The following WWOX variants were observed in gnomAD, a reference collection of about 807,000 sequenced individuals.
WWOX encodes WW domain-containing oxidoreductase.
In WWOX, 69 loss-of-function variants were observed where a neutral mutation model predicts 46.2. That is an observed-to-expected ratio of 1.49 (90% confidence interval 1.23 to 1.82). The LOEUF (loss-of-function observed/expected upper bound fraction) is 1.82. Among genes scored for constraint, WWOX ranks in the 40% most tolerant of loss-of-function variants. The pLI is 0.00. For synonymous variants in WWOX, 359 were observed against 202.6 expected (o/e 1.77, Z -6.56); for missense variants, 919 against 542.6 (o/e 1.69, Z -6.89).
intron 8 of WWOX, among the ~76,000 whole-genome samples, chr16:78,866,213 C>T (rs1436970204): frequency 1.3e-5 from 2 of 152,076 alleles, no homozygotes; most frequent in African/African-American, 4.8e-5. Flanking sequence ...TTCTGCCAGT[C>T]TCCATAGCAG....
chr16:78,792,188 C>G lies in WWOX; in HGVS notation c.1056+359436C>G, dbSNP rs116409124. On this transcript the variant is annotated intron_variant, in intron 8 of 8. Coordinates refer to ENST00000566780, the MANE Select transcript of WWOX (RefSeq NM_016373.4). ...AATAAACATTCGATTCTCGCCATCTCTGGGTTTGAGGTGACCTTGGCTAAG... is the reference window on the plus strand; with the variant it reads ...AATAAACATTCGATTCTCGCCATCTGTGGGTTTGAGGTGACCTTGGCTAAG... 9.1e-3 allele frequency among the ~76,000 whole-genome samples: 1,387 copies of G among 152,260 alleles called. 22 individuals are homozygous for G. The highest frequency in any genetic ancestry group is 0.032 in the African/African-American group (1,310 of 41,552).
intron 8 of WWOX, among the ~76,000 whole-genome samples, chr16:79,200,598 A>T (rs1346906767): frequency 6.6e-6 from 1 of 151,194 alleles, no homozygotes; most frequent in Non-Finnish European, 1.5e-5. Context: ...CACCTAAGAG[A>T]CTCTCAGTAA....
At chr16:78,258,673 T>C (rs1388001433) in intron 5 of WWOX, among the ~76,000 whole-genome samples, 2 of 138,972 alleles carry the variant, frequency 1.4e-5, no homozygotes, top group Admixed American at 7.8e-5. Flanking sequence ...ATGTGTTCGT[T>C]CGACAGTTAA....
Position 78,459,988 on chromosome 16 carries a change from T to C in WWOX, c.1056+27236T>C, listed in dbSNP as rs560419379. On this transcript the variant is annotated intron_variant, in intron 8 of 8. Coordinates refer to ENST00000566780, the MANE Select transcript of WWOX (RefSeq NM_016373.4). Reference sequence around the variant, plus strand: ...CCCAGCTAATTTTTTGTATTATTTATAGAGTTGGGTTTTTCACCATGTTGT... The same window carrying C: ...CCCAGCTAATTTTTTGTATTATTTACAGAGTTGGGTTTTTCACCATGTTGT... 2.0e-5 allele frequency among the ~76,000 whole-genome samples: 3 copies of C among 151,480 alleles called. No homozygotes were observed. In the East Asian group the frequency reaches 5.8e-4, roughly 29 times the overall value.
chr16:78,620,365 T>C (rs1441881194), intron 8 of WWOX, among the ~76,000 whole-genome samples: 1 of 152,222 alleles, frequency 6.6e-6, no homozygotes, highest in Non-Finnish European at 1.5e-5. Flanking sequence ...GTGCTTAGGT[T>C]TGACAAGTTT....
Position 78,216,572 on chromosome 16 carries a change from A to G in WWOX, c.516+52283A>G, listed in dbSNP as rs150898386. ...CTAGAGGCTGACACATTCCTCTGCTATGGCCTCTTCATTTTTCAAAGCCAG... is the reference window on the plus strand; with the variant it reads ...CTAGAGGCTGACACATTCCTCTGCTGTGGCCTCTTCATTTTTCAAAGCCAG... On this transcript the variant is annotated intron_variant, in intron 5 of 8. Transcript: ENST00000566780. 1.1e-3 allele frequency among the ~76,000 whole-genome samples: 161 copies of G among 151,700 alleles called. 2 individuals carry two copies. The East Asian group carries it at 0.025, about 23-fold the overall frequency.
chr16:79,087,525 C>T (rs868763784), intron 8 of WWOX, among the ~76,000 whole-genome samples: 1 of 151,592 alleles, frequency 6.6e-6, no homozygotes, highest in African/African-American at 2.4e-5. Flanking sequence ...GAACAACAAG[C>T]TTGGAAGGAG....
chr16:78,170,482 A>G (rs764067820), intron 5 of WWOX, among the ~76,000 whole-genome samples: 1 of 152,244 alleles, frequency 6.6e-6, no homozygotes, highest in African/African-American at 2.4e-5. Flanking sequence ...GTGCAAAGTG[A>G]TGCTTACTTT....
chr16:79,103,747 G>T (rs182477640), intron 8 of WWOX, among the ~76,000 whole-genome samples: 3 of 152,024 alleles, frequency 2.0e-5, no homozygotes, highest in Non-Finnish European at 4.4e-5. Context: ...TATTAAGTCC[G>T]TTCAAGGCAT....
chr16:79,120,450 G>C (rs2049606169), intron 8 of WWOX, among the ~76,000 whole-genome samples: 1 of 152,174 alleles, frequency 6.6e-6, no homozygotes, highest in Admixed American at 6.5e-5. Context: ...CTCCTGCCAA[G>C]AGCCCCCATT....
intron 8 of WWOX, among the ~76,000 whole-genome samples, chr16:78,490,814 C>T (rs535536938): frequency 2.0e-5 from 3 of 152,176 alleles, no homozygotes; most frequent in South Asian, 2.1e-4. Context: ...CAGAGCAGTC[C>T]GTTACTTAGA....
At chr16:78,356,726 G>T (rs1041988397) in intron 5 of WWOX, among the ~76,000 whole-genome samples, 3 of 151,970 alleles carry the variant, frequency 2.0e-5, no homozygotes, top group Non-Finnish European at 4.4e-5. Flanking sequence ...ACTAAAAATA[G>T]AAAAAATTAG....
At chr16:78,262,603 A>T (rs2079270146) in intron 5 of WWOX, among the ~76,000 whole-genome samples, 1 of 152,176 alleles carries the variant, frequency 6.6e-6, no homozygotes, top group Admixed American at 6.5e-5. Context: ...TAAGGCATAT[A>T]TGCCCCTTTC....
intron 8 of WWOX, among the ~76,000 whole-genome samples, chr16:78,599,481 T>G (rs1181053614): frequency 6.6e-6 from 1 of 152,196 alleles, no homozygotes; most frequent in Non-Finnish European, 1.5e-5. Flanking sequence ...CCCCTCTGAC[T>G]GGTGTTTTTC....
At chr16:78,170,667 C>G (rs1007558709) in intron 5 of WWOX, among the ~76,000 whole-genome samples, 1 of 152,206 alleles carries the variant, frequency 6.6e-6, no homozygotes, top group African/African-American at 2.4e-5. Context: ...CATATTAGCA[C>G]TCAACTGTCA....
intron 8 of WWOX, among the ~76,000 whole-genome samples, chr16:78,682,044 A>G (rs1397557882): frequency 5.9e-5 from 9 of 152,316 alleles, no homozygotes; most frequent in Non-Finnish European, 1.3e-4. Flanking sequence ...GTTGTTCTCC[A>G]TGCTCCAAAT....
chr16:78,349,293 C>T (rs866758991), intron 5 of WWOX, among the ~76,000 whole-genome samples: 5 of 120,470 alleles, frequency 4.2e-5, no homozygotes, highest in East Asian at 1.9e-4. Context: ...TACATAATCA[C>T]CTCTTTATAG....
intron 8 of WWOX, among the ~76,000 whole-genome samples, chr16:78,949,670 C>T (rs773267426): frequency 1.1e-4 from 16 of 152,208 alleles, no homozygotes; most frequent in Non-Finnish European, 1.5e-4. Flanking sequence ...CTGGACAAAG[C>T]CTTGAGGTAT....
At chr16:78,498,578 C>A (rs2084976994) in intron 8 of WWOX, among the ~76,000 whole-genome samples, 1 of 152,124 alleles carries the variant, frequency 6.6e-6, no homozygotes, top group Non-Finnish European at 1.5e-5. Flanking sequence ...GGGTAATGAG[C>A]AACACACAAG....
Sources: gnomAD v4.1 joint callset for allele counts (sites outside exome capture counted in the v4.1 genomes callset) on GRCh38, gnomAD v4.1.1 for gene constraint, MANE v1.5 for transcripts, NCBI Gene and HGNC (gene_info 2026-07-23, HGNC 2026-07-21) for gene names.